The following DPYD variants were observed in gnomAD, a reference collection of about 807,000 sequenced individuals.
The protein encoded by DPYD is dihydropyrimidine dehydrogenase [NADP(+)].
DPYD carries 109 observed loss-of-function variants against 116.2 expected under a neutral mutation model. That is an observed-to-expected ratio of 0.94 (90% CI 0.80 to 1.10). DPYD has a LOEUF of 1.10. Among genes scored for constraint, DPYD ranks in the 50% least tolerant of loss-of-function variants. The probability of loss-of-function intolerance (pLI) is 0.00; values close to 1 mark genes in which losing one functional copy is unlikely to be tolerated. For missense variants in DPYD, 1,302 were observed against 1,254.5 expected (o/e 1.04, Z -0.57); for synonymous variants, 440 against 432.0 (o/e 1.02, Z -0.23).
At chr1:97,291,968 A>G (rs2100988467) in intron 18 of DPYD, among the ~76,000 whole-genome samples, 1 of 152,220 alleles carries the variant, frequency 6.6e-6, no homozygotes, top group Middle Eastern at 3.4e-3. Flanking sequence ...CTTAAAACAA[A>G]CATTTTAAAT....
chr1:97,751,409 CGT>C (rs1422410075), intron 3 of DPYD, among the ~76,000 whole-genome samples: 1 of 75,082 alleles, frequency 1.3e-5, no homozygotes, highest in African/African-American at 5.0e-5. Context: ...TACATATATA[CGT>C]GTATATATAT....
intron 8 of DPYD, among the ~76,000 whole-genome samples, chr1:97,614,827 T>G (rs1227049523): frequency 6.6e-6 from 1 of 152,126 alleles, no homozygotes; most frequent in African/African-American, 2.4e-5. Flanking sequence ...CTAGAAAATT[T>G]TACAATTCTT....
chr1:97,471,939 C>T (rs1677686362), intron 13 of DPYD, among the ~76,000 whole-genome samples: 1 of 151,968 alleles, frequency 6.6e-6, no homozygotes, highest in Non-Finnish European at 1.5e-5. Flanking sequence ...CAGTTTTTGG[C>T]AAACTAGAAA....
At chr1:97,730,310 C>A (rs1192066021) in intron 4 of DPYD, among the ~76,000 whole-genome samples, 3 of 152,124 alleles carry the variant, frequency 2.0e-5, no homozygotes, top group African/African-American at 7.2e-5. Flanking sequence ...CAACCTCCAC[C>A]TCCCAGGTTT....
intron 8 of DPYD, among the ~76,000 whole-genome samples, chr1:97,658,977 C>T (rs1188702482): frequency 6.6e-6 from 1 of 152,058 alleles, no homozygotes; most frequent in Non-Finnish European, 1.5e-5. Context: ...TTCCTGTTAA[C>T]TCCTAATCAT....
At chr1:97,773,588 C>T (rs1347247842) in intron 3 of DPYD, among the ~76,000 whole-genome samples, 1 of 152,168 alleles carries the variant, frequency 6.6e-6, no homozygotes, top group Non-Finnish European at 1.5e-5. Context: ...CACACAGACA[C>T]AGGCAGCTGG....
chr1:97,634,060 T>A lies in DPYD; in HGVS notation c.851-38894A>T, dbSNP rs946938038. 5.7e-4 allele frequency among the ~76,000 whole-genome samples: 86 copies of A among 152,208 alleles called. 1 individual carries two copies. The highest frequency in any genetic ancestry group is 1.9e-3 in the African/African-American group (79 of 41,542). ...CAACTGGGCTTCAGCTCGAAAATCA[T>A]CCTTATGCCAAAGTAGAATATTTTG... On this transcript the variant is annotated intron_variant, in intron 8 of 22. Transcript: ENST00000370192.
intron 4 of DPYD, among the ~76,000 whole-genome samples, chr1:97,725,569 GAT>G (rs1239333854): frequency 1.3e-5 from 2 of 151,570 alleles, no homozygotes; most frequent in African/African-American, 4.8e-5. Context: ...ACATAATCAA[GAT>G]AGTATGGTAC....
chr1:97,203,830 C>G (rs1166634895), intron 19 of DPYD, among the ~76,000 whole-genome samples: 2 of 142,664 alleles, frequency 1.4e-5, no homozygotes, highest in African/African-American at 2.6e-5. Context: ...AACAACTCAC[C>G]TACAATGAGA....
intron 20 of DPYD, among the ~76,000 whole-genome samples, chr1:97,177,919 T>C (rs1657401909): frequency 6.6e-6 from 1 of 152,110 alleles, no homozygotes. Context: ...CCTGCTTCCA[T>C]ACAGATGGCA....
At chr1:97,125,880 TAGC>T (rs561373065) in intron 20 of DPYD, among the ~76,000 whole-genome samples, 1 of 151,978 alleles carries the variant, frequency 6.6e-6, no homozygotes, top group Non-Finnish European at 1.5e-5. Flanking sequence ...TATTTTGACA[TAGC>T]AGTCTAAACT....
intron 20 of DPYD, among the ~76,000 whole-genome samples, chr1:97,134,650 A>G (rs1454965852): frequency 6.6e-6 from 1 of 152,212 alleles, no homozygotes; most frequent in Non-Finnish European, 1.5e-5. Context: ...TTAAAATATC[A>G]GTAGATTTTC....
chr1:97,786,693 G>C (rs982655575), intron 3 of DPYD, among the ~76,000 whole-genome samples: 1 of 152,198 alleles, frequency 6.6e-6, no homozygotes, highest in East Asian at 1.9e-4. Flanking sequence ...TTAGGCTGAA[G>C]AGTGTGATTT....
At chr1:97,834,979 C>T (rs1379949445) in intron 2 of DPYD, among the ~76,000 whole-genome samples, 1 of 151,920 alleles carries the variant, frequency 6.6e-6, no homozygotes, top group African/African-American at 2.4e-5. Flanking sequence ...ATTCATATTT[C>T]AATAGATAAT....
At chr1:97,087,159 T>G (rs1427945072) in intron 21 of DPYD, among the ~76,000 whole-genome samples, 3 of 152,232 alleles carry the variant, frequency 2.0e-5, no homozygotes, top group Non-Finnish European at 4.4e-5. Flanking sequence ...CTGATTTGTT[T>G]CCATCTTTTC....
intron 18 of DPYD, among the ~76,000 whole-genome samples, chr1:97,251,594 T>A (rs968771023): frequency 6.6e-6 from 1 of 151,982 alleles, no homozygotes; most frequent in Admixed American, 6.6e-5. Context: ...TGAAATTTTC[T>A]TGAGAGCAAT....
intron 14 of DPYD, among the ~76,000 whole-genome samples, chr1:97,438,197 G>T (rs1675573322): frequency 6.6e-6 from 1 of 151,778 alleles, no homozygotes; most frequent in Non-Finnish European, 1.5e-5. Flanking sequence ...CAATTGTTTT[G>T]TAAGTCCTTT....
At chr1:97,268,026 A>C (rs2100878713) in intron 18 of DPYD, among the ~76,000 whole-genome samples, 1 of 152,304 alleles carries the variant, frequency 6.6e-6, no homozygotes, top group African/African-American at 2.4e-5. Flanking sequence ...CAAGCATAGG[A>C]TAGACATTCC....
chr1:97,484,088 T>C lies in DPYD; in HGVS notation c.1740+31638A>G, dbSNP rs1678478863. Reference sequence around the variant, plus strand: ...GGGAGGACGAGGTGGGCAGATCACCTGAGGTCAGGAGTTTGAGACCAGCCT... The same window carrying C: ...GGGAGGACGAGGTGGGCAGATCACCCGAGGTCAGGAGTTTGAGACCAGCCT... On this transcript the variant is annotated intron_variant, in intron 13 of 22. Transcript: ENST00000370192. Among the ~76,000 whole-genome samples, 3 of 152,276 alleles carry C rather than the reference T, an allele frequency of 2.0e-5. No homozygotes were observed. The East Asian group carries it at 5.8e-4, about 29-fold the overall frequency.
Sources: gnomAD v4.1 joint callset for allele counts (sites outside exome capture counted in the v4.1 genomes callset) on GRCh38, gnomAD v4.1.1 for gene constraint, MANE v1.5 for transcripts, NCBI Gene and HGNC (gene_info 2026-07-23, HGNC 2026-07-21) for gene names.